Variants in PAK5 observed in about 807,000 individuals in gnomAD.
PAK5 encodes p21 (RAC1) activated kinase 5.
In PAK5, 16 loss-of-function variants were observed where a neutral mutation model predicts 65.9. The ratio of observed to expected loss-of-function variants is 0.24; its 90% CI spans 0.16 to 0.37. PAK5 has a LOEUF of 0.37. PAK5 is among the 10% of genes least tolerant of loss of function. PAK5 has a pLI of 1.00. For missense variants in PAK5, 785 were observed against 903.9 expected, an observed-to-expected ratio of 0.87 and a Z score of 1.69; for synonymous variants, 371 against 354.9, an observed-to-expected ratio of 1.05 and a Z score of -0.51.
chr20:9,614,199 A>G (rs1261449506), intron 3 of PAK5, among the ~76,000 whole-genome samples: 2 of 152,196 alleles, frequency 1.3e-5, no homozygotes, highest in African/African-American at 4.8e-5. Context: ...AACACTAACA[A>G]ATGAAGGATG....
At chr20:9,798,752 A>C (rs2123731136) in intron 1 of PAK5, among the ~76,000 whole-genome samples, 1 of 152,266 alleles carries the variant, frequency 6.6e-6, no homozygotes, top group Non-Finnish European at 1.5e-5. Flanking sequence ...TGACTCTTGC[A>C]AGCAACAATC....
chr20:9,602,474 T>C (rs1251240289), intron 3 of PAK5, among the ~76,000 whole-genome samples: 1 of 152,196 alleles, frequency 6.6e-6, no homozygotes, highest in Non-Finnish European at 1.5e-5. Context: ...GTCTGGGATG[T>C]GCTTACTACA....
chr20:9,799,870 A>T (rs2049147671), intron 1 of PAK5, among the ~76,000 whole-genome samples: 2 of 136,528 alleles, frequency 1.5e-5, no homozygotes, highest in African/African-American at 5.3e-5. Flanking sequence ...GAGCCCAGGA[A>T]GTGGAAGTTG....
chr20:9,638,494 T>C (rs767417351), intron 3 of PAK5, among the ~76,000 whole-genome samples: 10 of 152,234 alleles, frequency 6.6e-5, no homozygotes, highest in Non-Finnish European at 1.3e-4. Context: ...CTTATGTGGA[T>C]ACATTCTTTT....
Position 9,549,194 on chromosome 20 carries a change from A to G in PAK5, c.1744-4700T>C, listed in dbSNP as rs150461027. 8.5e-3 allele frequency among the ~76,000 whole-genome samples: 1,293 copies of G among 152,232 alleles called. 8 individuals carry two copies. The highest frequency in any genetic ancestry group is 0.014 in the Non-Finnish European group (967 of 68,020). Reference sequence around the variant, plus strand: ...GAGAGAAAGAGGAGTGATGTTGACTATGTCAGGTCCCGGCCTCCTTATGAT... The same window carrying G: ...GAGAGAAAGAGGAGTGATGTTGACTGTGTCAGGTCCCGGCCTCCTTATGAT... On this transcript the variant is annotated intron_variant, in intron 7 of 9. Transcript: ENST00000353224.
chr20:9,586,025 G>A (rs2046062362), intron 3 of PAK5, among the ~76,000 whole-genome samples: 2 of 152,164 alleles, frequency 1.3e-5, no homozygotes, highest in Non-Finnish European at 2.9e-5. Flanking sequence ...GGACAACTGA[G>A]GCTCAGAGGT....
At chr20:9,616,631 A>AGCCT (rs2046661846) in intron 3 of PAK5, among the ~76,000 whole-genome samples, 1 of 152,202 alleles carries the variant, frequency 6.6e-6, no homozygotes, top group Non-Finnish European at 1.5e-5. Flanking sequence ...TGCTGCTGCT[A>AGCCT]GCCTGTGGCT....
intron 7 of PAK5, among the ~76,000 whole-genome samples, chr20:9,550,239 C>T (rs1339809088): frequency 6.6e-6 from 1 of 152,140 alleles, no homozygotes; most frequent in Non-Finnish European, 1.5e-5. Context: ...AAGGAGGCAG[C>T]CTGTAGGGCA....
intron 1 of PAK5, among the ~76,000 whole-genome samples, chr20:9,730,566 G>T (rs368175389): frequency 9.9e-5 from 15 of 152,136 alleles, no homozygotes; most frequent in Admixed American, 8.5e-4. Flanking sequence ...ATATATGCAC[G>T]CTTACGAGTG....
chr20:9,704,969 C>G (rs1187120500), intron 2 of PAK5, among the ~76,000 whole-genome samples: 3 of 152,172 alleles, frequency 2.0e-5, no homozygotes, highest in Non-Finnish European at 2.9e-5. Flanking sequence ...GCAAGACGCT[C>G]TCAACCAGGT....
At chr20:9,556,805 A>T (rs1035747154) in intron 7 of PAK5, among the ~76,000 whole-genome samples, 2 of 152,082 alleles carry the variant, frequency 1.3e-5, no homozygotes, top group Non-Finnish European at 2.9e-5. Context: ...GTCCTACTGG[A>T]TCCATTTTCC....
chr20:9,836,126 T>C (rs1221017034), intron 1 of PAK5, among the ~76,000 whole-genome samples: 1 of 152,140 alleles, frequency 6.6e-6, no homozygotes, highest in Non-Finnish European at 1.5e-5. Context: ...ATAGGTTAGT[T>C]CCCTTAAATA....
intron 2 of PAK5, among the ~76,000 whole-genome samples, chr20:9,684,115 T>C (rs2179471): frequency 0.99 from 150,416 of 152,324 alleles, 74,273 homozygotes; most frequent in East Asian, 1. Context: ...CTTTATTGTG[T>C]TAAACCATTG....
At chr20:9,796,830 C>T (rs1243996018) in intron 1 of PAK5, among the ~76,000 whole-genome samples, 1 of 152,092 alleles carries the variant, frequency 6.6e-6, no homozygotes, top group Non-Finnish European at 1.5e-5. Context: ...TCCTTCCAGA[C>T]TGTTAGCAAC....
chr20:9,673,132 T>C (rs1276983843), intron 2 of PAK5, among the ~76,000 whole-genome samples: 1 of 152,190 alleles, frequency 6.6e-6, no homozygotes, highest in Non-Finnish European at 1.5e-5. Context: ...GTGTTTGACA[T>C]ATTATTACAC....
rs34102290 is a variant in PAK5, at chr20:9,557,688, C to G, written c.1663G>C (p.Ala555Pro). The G allele has an allele frequency of 6.2e-7, 1 of 1,610,956 alleles. No individual in the cohort carries two copies. ...CCTTGGTTATGAAGGTAGGAGAGAG[C>G]TCTCAGAACTGACAGGCAGACAGTA... is the stretch of plus-strand genomic sequence containing the variant. ...IATVCLSVLR[A>P]LSYLHNQGVI... is the part of the protein sequence containing the mutation. Residue 555 changes from alanine to proline, a missense_variant, in exon 7 of 10, where the codon GCT (alanine) becomes CCT (proline). Physicochemically the swap from Ala to Pro is conservative, Grantham distance 27 (BLOSUM62 -1). This residue lies in a region of PAK5 where 182 missense variants were observed against 273.0 expected (regional missense o/e 0.67). Coordinates refer to ENST00000353224, the MANE Select transcript of PAK5 (RefSeq NM_177990.4).
intron 3 of PAK5, among the ~76,000 whole-genome samples, chr20:9,597,742 T>C (rs530496136): frequency 6.6e-6 from 1 of 152,188 alleles, no homozygotes; most frequent in Non-Finnish European, 1.5e-5. Flanking sequence ...GAATCCTGCC[T>C]GGTTACCATG....
At chr20:9,699,355 A>G (rs2047908973) in intron 2 of PAK5, among the ~76,000 whole-genome samples, 2 of 152,060 alleles carry the variant, frequency 1.3e-5, no homozygotes, top group African/African-American at 2.4e-5. Context: ...TCTTTTAGGT[A>G]CTTTCCAATT....
chr20:9,701,135 C>T (rs1034110030), intron 2 of PAK5, among the ~76,000 whole-genome samples: 2 of 152,086 alleles, frequency 1.3e-5, no homozygotes, highest in Admixed American at 6.6e-5. Flanking sequence ...CCTGCTCCGC[C>T]CTTTGACGAG....
Sources: allele counts gnomAD v4.1 joint callset (sites outside exome capture counted in the v4.1 genomes callset), GRCh38; gene constraint gnomAD v4.1.1; regional missense constraint gnomAD v4.1.1; transcripts MANE v1.5; gene names NCBI Gene and HGNC (gene_info 2026-07-23, HGNC 2026-07-21).